The following AFP variants were observed in gnomAD, a reference collection of about 807,000 sequenced individuals.
AFP encodes alpha fetoprotein.
In AFP, 64 loss-of-function variants were observed where a neutral mutation model predicts 78.9. The ratio of observed to expected loss-of-function variants is 0.81; its 90% confidence interval spans 0.66 to 1.00. The LOEUF is 1.00. AFP is among the 50% of genes least tolerant of loss of function. AFP has a pLI of 0.00. For synonymous variants in AFP, 254 were observed against 243.8 expected, an observed-to-expected ratio of 1.04 and a Z score of -0.39; for missense variants, 689 against 703.8, an observed-to-expected ratio of 0.98 and a Z score of 0.24.
chr4:73,438,904 A>G (rs1719587024), intron 3 of AFP, among the ~76,000 whole-genome samples: 1 of 152,130 alleles, frequency 6.6e-6, no homozygotes, highest in Non-Finnish European at 1.5e-5. Flanking sequence ...CCAACTGAGG[A>G]AGCTGAGGCT....
chr4:73,454,683 GAC>G (rs1720108125), intron 13 of AFP, among the ~76,000 whole-genome samples: 1 of 152,058 alleles, frequency 6.6e-6, no homozygotes, highest in African/African-American at 2.4e-5. Context: ...AAAATCCAAA[GAC>G]AGATATATTT....
Position 73,450,037 on chromosome 4 carries a change from A to C in AFP, c.1193A>C (p.Glu398Ala), listed in dbSNP as rs774664708. 6.2e-7 allele frequency: 1 copy of C among 1,610,954 alleles called. No homozygotes were observed. Among genetic ancestry groups the C allele is most frequent in the Admixed American group, 1.7e-5 (1 of 59,954 alleles). ...ENPLECQDKGEEELQKYIQES... is the reference protein window; with the variant it reads ...ENPLECQDKGAEELQKYIQES... ...TATGTAATAATTCTTCATTTTCAGGAAGAAGAATTACAGAAATACATCCAG... is the reference window on the plus strand; with the variant it reads ...TATGTAATAATTCTTCATTTTCAGGCAGAAGAATTACAGAAATACATCCAG... Residue 398 changes from glutamate to alanine, a missense_variant and splice_region_variant, in exon 10 of 15, where the codon GAA becomes GCA. Glu to Ala is a moderately radical substitution (Grantham distance 107). Transcript: ENST00000395792.
intron 12 of AFP, among the ~76,000 whole-genome samples, chr4:73,453,114 G>T (rs1469063856): frequency 1.3e-5 from 2 of 152,164 alleles, no homozygotes; most frequent in African/African-American, 4.8e-5. Flanking sequence ...AATGGTGATG[G>T]TCATGCAAGT....
intron 6 of AFP, 96 bp from the exon 7 acceptor site, chr4:73,444,897 C>A: frequency 9.1e-7 from 1 of 1,101,486 alleles, no homozygotes; most frequent in South Asian, 1.6e-5. Context: ...TCAGTCATTT[C>A]TCTTTGAAAC....
Position 73,452,901 on chromosome 4 carries a change from T to C in AFP, c.1652+277T>C, listed in dbSNP as rs553925915. 1.1e-3 allele frequency among the ~76,000 whole-genome samples: 171 copies of C among 152,196 alleles called. 1 individual carries two copies. Among genetic ancestry groups the C allele is most frequent in the Non-Finnish European group, 1.9e-3 (131 of 68,032 alleles). ...TATGTATTTGGGGGTTGAGGAAAAG[T>C]GGGCAATCTATTCTGAGGAATTAGA... On this transcript the variant is annotated intron_variant, in intron 12 of 14. Coordinates refer to ENST00000395792, the MANE Select transcript of AFP (RefSeq NM_001134.3).
intron 14 of AFP, 92 bp from the exon 15 acceptor site, chr4:73,455,539 C>T: frequency 1.5e-6 from 1 of 653,372 alleles, no homozygotes; most frequent in South Asian, 1.7e-5. Flanking sequence ...TCCTACGTAT[C>T]CAATATTTCT....
rs536333257 is a variant in AFP at position 73,452,713 on chromosome 4, G to C, written c.1652+89G>C. Reference sequence around the variant, plus strand: ...TACCTCGCTCACCTAACACTATTGGGCTCACTAACAGAGCGTTACTCCCAA... The same window carrying C: ...TACCTCGCTCACCTAACACTATTGGCCTCACTAACAGAGCGTTACTCCCAA... On this transcript the variant is annotated intron_variant, in intron 12 of 14. Transcript: ENST00000395792. 5.6e-4 allele frequency: 592 copies of C among 1,058,790 alleles called. 1 individual carries two copies. In the African/African-American group the frequency reaches 8.6e-3, roughly 15 times the overall value. 65.6% of individuals were successfully genotyped at this position (1,058,790 alleles called of 1,614,324 possible). A position where few individuals can be genotyped will look rare whatever the true frequency, so the allele number is the denominator to read the frequency against.
chr4:73,454,429 A>AC (rs1720101601), intron 13 of AFP, among the ~76,000 whole-genome samples: 1 of 152,088 alleles, frequency 6.6e-6, no homozygotes, highest in Non-Finnish European at 1.5e-5. Context: ...CATTTAAAAA[A>AC]ATTACCTTTT....
intron 11 of AFP, among the ~76,000 whole-genome samples, 168 bp from the exon 12 acceptor site, chr4:73,452,233 T>C (rs1720015107): frequency 6.6e-6 from 1 of 152,232 alleles, no homozygotes; most frequent in Non-Finnish European, 1.5e-5. Flanking sequence ...GGGTAAATCC[T>C]GGAATTTACA....
intron 8 of AFP, among the ~76,000 whole-genome samples, chr4:73,448,789 C>A (rs543099692): frequency 3.3e-5 from 5 of 152,292 alleles, no homozygotes; most frequent in African/African-American, 9.6e-5. Flanking sequence ...CTTAGCTGAT[C>A]TCTGTTCTGA....
In AFP at chr4:73,447,509, C is replaced by T; in HGVS notation, c.891C>T (p.Asn297=). ...GTTCTCAACAAGACACTCTGTCAAA[C>T]AAAATAACAGAATGCTGCAAACTGA... ...YICSQQDTLS[N]KITECCKLTT... is the part of the protein sequence containing the mutation. Residue 297 remains asparagine, a synonymous_variant, in exon 8 of 15, where the codon AAC becomes AAT. Coordinates refer to ENST00000395792, the MANE Select transcript of AFP (RefSeq NM_001134.3). 1 of 1,612,072 alleles carries T rather than the reference C, an allele frequency of 6.2e-7. No individual in the cohort carries two copies.
rs374757852 is a variant in AFP at position 73,438,161 on chromosome 4, A to G, written c.138-13A>G. 1 of 1,613,000 alleles carries G rather than the reference A, an allele frequency of 6.2e-7. No individual in the cohort carries two copies. The highest frequency in any genetic ancestry group is 1.3e-5 in the African/African-American group (1 of 74,904). On this transcript the variant is annotated splice_polypyrimidine_tract_variant and intron_variant, in intron 2 of 14. Transcript: ENST00000395792. ...GTCTGTTCCTTAAGGATTCACACGT[A>G]TTTTTGTTTCAGGGCTACCATATTT...
chr4:73,448,963 A>G (rs922648924), intron 8 of AFP, among the ~76,000 whole-genome samples: 7 of 152,138 alleles, frequency 4.6e-5, no homozygotes, highest in African/African-American at 2.4e-5. Flanking sequence ...CTGCCTCCCT[A>G]TAATGTGTGC....
rs890027638 is a variant in AFP, at chr4:73,456,096, T to C, written c.*476T>C. ...CTAAGAAAATTTAACATCTACTTTT[T>C]TTCTCAATCTTGTTCAGTTCTCTAT... On this transcript the variant is annotated 3_prime_UTR_variant, in exon 15 of 15. Transcript: ENST00000395792. The C allele has an allele frequency of 1.9e-5, 3 of 156,286 alleles. No individual in the cohort carries two copies. The highest frequency in any genetic ancestry group is 7.2e-5 in the African/African-American group (3 of 41,566). The allele number at this position is 156,286 out of a possible 1,614,324, so 9.7% of individuals were successfully genotyped here.
chr4:73,451,947 T>C (rs1720004582), intron 11 of AFP, among the ~76,000 whole-genome samples: 2 of 152,340 alleles, frequency 1.3e-5, no homozygotes, highest in East Asian at 1.9e-4. Flanking sequence ...ATTAGGATGA[T>C]ATATTAGCTG....
At position 73,443,420 on chromosome 4, in the gene AFP, T is replaced by G; in HGVS notation, c.689T>G (p.Phe230Cys). The G allele has an allele frequency of 6.2e-7, 1 of 1,612,882 alleles. No homozygotes were observed. Among genetic ancestry groups the G allele is most frequent in the South Asian group, 1.1e-5 (1 of 91,032 alleles). ...NQHACAVMKNFGTRTFQAITV... is the reference protein window; with the variant it reads ...NQHACAVMKNCGTRTFQAITV... Reference sequence around the variant, plus strand: ...CATGCATGTGCAGTAATGAAAAATTTTGGGACCCGAACTTTCCAAGCCATG... The same window carrying G: ...CATGCATGTGCAGTAATGAAAAATTGTGGGACCCGAACTTTCCAAGCCATG... Residue 230 changes from phenylalanine (F) to cysteine (C), a missense_variant, in exon 6 of 15, where the codon TTT becomes TGT. By Grantham distance (205) the Phe-to-Cys change is radical. Transcript: ENST00000395792.
At chr4:73,437,118 G>T (rs1172826912) in intron 1 of AFP, 42 bp from the exon 2 acceptor site, 2 of 1,432,626 alleles carry the variant, frequency 1.4e-6, no homozygotes, top group South Asian at 2.3e-5. Flanking sequence ...TTTCTTGGTT[G>T]CAGTTGAAAA....
At chr4:73,442,169 A>G in intron 4 of AFP, 127 bp from the exon 5 acceptor site, 1 of 1,010,636 alleles carries the variant, frequency 9.9e-7, no homozygotes, top group Non-Finnish European at 1.5e-6. Flanking sequence ...CACAGTAAAG[A>G]CAAAGTCAAA....
Position 73,443,444 on chromosome 4 carries a change from T to C in AFP, c.713T>C (p.Ile238Thr). 6.2e-7 allele frequency: 1 copy of C among 1,601,576 alleles called. No homozygotes were observed. Among genetic ancestry groups the C allele is most frequent in the Non-Finnish European group, 8.6e-7 (1 of 1,168,662 alleles). The change falls in exon 6 of 15, where the codon ATA (isoleucine) becomes ACA (threonine). Residue 238 changes from isoleucine to threonine, a missense_variant and splice_region_variant. By Grantham distance (89) the Ile-to-Thr change is moderately conservative. Coordinates refer to ENST00000395792, the MANE Select transcript of AFP (RefSeq NM_001134.3). ...KNFGTRTFQA[I>T]TVTKLSQKFT... ...TTTGGGACCCGAACTTTCCAAGCCA[T>C]GTAAGTTCAAGTTCTATCTAGGGAA... is the stretch of plus-strand genomic sequence containing the variant.
Sources: gnomAD v4.1 joint callset for allele counts (sites outside exome capture counted in the v4.1 genomes callset) on GRCh38, gnomAD v4.1.1 for gene constraint, MANE v1.5 for transcripts, NCBI Gene and HGNC (gene_info 2026-07-23, HGNC 2026-07-21) for gene names.